PHKB: variants seen among roughly 807,000 people sequenced by gnomAD.
PHKB encodes phosphorylase kinase regulatory subunit beta.
Under a neutral mutation model 152.1 loss-of-function variants are expected in PHKB, and 122 were observed. That is an observed-to-expected ratio of 0.80 (90% CI 0.69 to 0.93). The LOEUF (loss-of-function observed/expected upper bound fraction) is 0.93, where lower values mean the gene tolerates loss of function less well. Ranked by LOEUF, PHKB falls within the 40% of genes least tolerant of loss-of-function variation. The pLI, the probability that PHKB is intolerant of heterozygous loss-of-function variation, is 0.00. For missense variants in PHKB, 1,304 were observed against 1,328.4 expected (o/e 0.98, Z 0.29); for synonymous variants, 436 against 464.9 (o/e 0.94, Z 0.80).
chr16:47,663,810 T>A (rs1331090973), intron 24 of PHKB, 76 bp downstream of exon 24: 20 of 872,420 alleles, frequency 2.3e-5, no homozygotes, highest in Non-Finnish European at 3.5e-5. Flanking sequence ...AATGGACCAA[T>A]ATTAAAGATA....
chr16:47,571,948 A>AGACT (rs1971667341), intron 7 of PHKB, among the ~76,000 whole-genome samples: 1 of 152,146 alleles, frequency 6.6e-6, no homozygotes, highest in African/African-American at 2.4e-5. Context: ...TATGCGGGCC[A>AGACT]GACTACTGTG....
At chr16:47,543,822 T>C (rs577500786) in intron 6 of PHKB, among the ~76,000 whole-genome samples, 3 of 152,332 alleles carry the variant, frequency 2.0e-5, no homozygotes, top group Non-Finnish European at 4.4e-5. Context: ...TGGTAGTTTG[T>C]ATTTCTGTGG....
rs1974208258 is a variant in PHKB, at chr16:47,699,273, A to G, written c.3189A>G (p.Arg1063=). 6.2e-7 allele frequency: 1 copy of G among 1,614,034 alleles called. No individual in the cohort carries two copies. The highest frequency in any genetic ancestry group is 8.5e-7 in the Non-Finnish European group (1 of 1,179,918). The change falls in exon 31 of 31, where the codon AGA becomes AGG. Residue 1063 remains arginine, a synonymous_variant. Coordinates refer to ENST00000323584, the MANE Select transcript of PHKB (RefSeq NM_000293.3). The part of the protein sequence containing the change: ...SFYNTPPLGK[R]GTCSYLTKAV... ...ACAACACTCCTCCCCTGGGAAAAAG[A>G]GGAACATGCAGCTATTTGACAAAGG...
rs1219956188 is a variant in PHKB, at chr16:47,466,986, G to T, written c.76+5560G>T. 9.2e-5 allele frequency among the ~76,000 whole-genome samples: 14 copies of T among 152,230 alleles called. No homozygotes were observed. In the East Asian group the frequency reaches 2.7e-3, roughly 29 times the overall value. On this transcript the variant is annotated intron_variant, in intron 1 of 30. Coordinates refer to ENST00000323584, the MANE Select transcript of PHKB (RefSeq NM_000293.3). ...TTACTACCTATTTGATCCTGAGGAA[G>T]CTATATCTTTTTGAGATTCAGCTTC...
intron 12 of PHKB, 43 bp downstream of exon 12, chr16:47,594,257 TG>T (rs1291171713): frequency 1.0e-6 from 1 of 994,554 alleles, no homozygotes; most frequent in African/African-American, 1.6e-5. Context: ...CAACATTTCC[TG>T]AATGTTTATT....
rs557923515 is a variant in PHKB, at chr16:47,621,368, A to C, written c.1458+10448A>C. On this transcript the variant is annotated intron_variant, in intron 14 of 30. Transcript: ENST00000323584. The stretch of plus-strand genomic sequence containing the variant: ...CCTCCTAATTTGGTAGATACATTAT[A>C]TAGCACTCCTACAATATGGACTTGT... Among the ~76,000 whole-genome samples, 140 of 152,314 alleles carry C rather than the reference A, an allele frequency of 9.2e-4. 1 individual carries two copies. Among genetic ancestry groups the C allele is most frequent in the African/African-American group, 3.2e-3 (134 of 41,568 alleles).
chr16:47,540,590 CT>C (rs1348281114), intron 6 of PHKB, among the ~76,000 whole-genome samples: 1 of 152,024 alleles, frequency 6.6e-6, no homozygotes, highest in Non-Finnish European at 1.5e-5. Flanking sequence ...AAATTCCTCT[CT>C]TTGTACTCTT....
At chr16:47,692,297 G>A (rs555946233) in intron 27 of PHKB, among the ~76,000 whole-genome samples, 1 of 152,046 alleles carries the variant, frequency 6.6e-6, no homozygotes, top group Admixed American at 6.6e-5. Context: ...TCACTCTGCT[G>A]TCTTTTAAAA....
Position 47,587,662 on chromosome 16 carries a change from G to C in PHKB, c.775-6G>C, listed in dbSNP as rs56268318. ...TTAGGAAATGTTTTTCTTTTTCTCT[G>C]TCCAGGGCTGTTCGTGGTCAGTTAT... On this transcript the variant is annotated splice_region_variant and splice_polypyrimidine_tract_variant and intron_variant, in intron 8 of 30. Transcript: ENST00000323584. The C allele has an allele frequency of 0.052, 83,903 of 1,607,860 alleles. 5,304 individuals are homozygous for C. The highest frequency in any genetic ancestry group is 0.32 in the African/African-American group (24,126 of 74,712).
At chr16:47,524,267 T>A (rs565007237) in intron 6 of PHKB, among the ~76,000 whole-genome samples, 4 of 152,188 alleles carry the variant, frequency 2.6e-5, no homozygotes, top group Non-Finnish European at 5.9e-5. Context: ...TTATGTAACT[T>A]TATATTTGTA....
intron 26 of PHKB, among the ~76,000 whole-genome samples, chr16:47,676,952 G>T (rs534376367): frequency 5.9e-5 from 9 of 152,336 alleles, no homozygotes; most frequent in Admixed American, 3.9e-4. Flanking sequence ...CATACTGCCA[G>T]GGCATCCTCT....
intron 18 of PHKB, among the ~76,000 whole-genome samples, chr16:47,650,303 G>A (rs528338596): frequency 1.2e-4 from 18 of 152,196 alleles, no homozygotes; most frequent in African/African-American, 3.4e-4. Flanking sequence ...CAAATGTAGC[G>A]TGATTACTTT....
intron 26 of PHKB, among the ~76,000 whole-genome samples, chr16:47,673,992 C>T (rs1973682038): frequency 6.6e-6 from 1 of 152,102 alleles, no homozygotes; most frequent in Non-Finnish European, 1.5e-5. Context: ...GTACTTTCTG[C>T]ATGTTTTTGC....
intron 6 of PHKB, among the ~76,000 whole-genome samples, chr16:47,537,602 C>T (rs1970973773): frequency 6.6e-6 from 1 of 152,142 alleles, no homozygotes; most frequent in African/African-American, 2.4e-5. Context: ...TGCAGGAGCT[C>T]AGTCCAAATC....
intron 5 of PHKB, among the ~76,000 whole-genome samples, chr16:47,513,054 T>C (rs1157156986): frequency 1.3e-5 from 2 of 152,240 alleles, no homozygotes; most frequent in Non-Finnish European, 2.9e-5. Flanking sequence ...TGTCTTTTCC[T>C]TTGATAAATA....
Position 47,596,427 on chromosome 16 carries a change from A to C in PHKB, c.1259A>C (p.Glu420Ala). The change falls in exon 13 of 31, where the codon GAA becomes GCA. Residue 420 changes from glutamate to alanine, a missense_variant. By Grantham distance (107) the Glu-to-Ala change is moderately radical. Transcript: ENST00000323584. ...YYVPADFVEY[E>A]KNNPGSQKRF... ...GTGCCAGCTGACTTTGTAGAATATG[A>C]AAAAAATAACCCTGGTAGTCAAAAA... The C allele has an allele frequency of 6.2e-7, 1 of 1,611,508 alleles. No individual in the cohort carries two copies. Among genetic ancestry groups the C allele is most frequent in the Middle Eastern group, 1.7e-4 (1 of 6,054 alleles).
chr16:47,552,984 A>G (rs532430762), intron 7 of PHKB, among the ~76,000 whole-genome samples: 5 of 151,910 alleles, frequency 3.3e-5, no homozygotes, highest in African/African-American at 9.7e-5. Context: ...CTTCATTTCA[A>G]CCTTGGTGAG....
chr16:47,692,839 A>T (rs142468764), intron 27 of PHKB, among the ~76,000 whole-genome samples: 112 of 152,292 alleles, frequency 7.4e-4, no homozygotes, highest in African/African-American at 2.6e-3. Context: ...AACTTTAGCT[A>T]TGTCTAAATA....
chr16:47,494,454 G>A (rs1356279993), intron 1 of PHKB, among the ~76,000 whole-genome samples: 1 of 152,168 alleles, frequency 6.6e-6, no homozygotes, highest in Admixed American at 6.5e-5. Flanking sequence ...TAATGGGTAA[G>A]GCAGCTAGTC....
Sources: gnomAD v4.1 joint callset for allele counts (sites outside exome capture counted in the v4.1 genomes callset) on GRCh38, gnomAD v4.1.1 for gene constraint, MANE v1.5 for transcripts, NCBI Gene and HGNC (gene_info 2026-07-23, HGNC 2026-07-21) for gene names.